Variants in SLBP observed in about 807,000 individuals in gnomAD.
The protein encoded by SLBP is histone RNA hairpin-binding protein.
Under a neutral mutation model 39.2 loss-of-function variants are expected in SLBP, and 29 were observed. The ratio of observed to expected loss-of-function variants is 0.74; its 90% CI spans 0.55 to 1.01. The LOEUF (loss-of-function observed/expected upper bound fraction) is 1.01. Ranked by LOEUF, SLBP falls within the 50% of genes least tolerant of loss-of-function variation. The pLI is 0.00. For synonymous variants in SLBP, 129 were observed against 118.7 expected, an observed-to-expected ratio of 1.09 and a Z score of -0.57; for missense variants, 390 against 350.2, an observed-to-expected ratio of 1.11 and a Z score of -0.91.
At chr4:1,704,608 G>T (rs2108662385) in intron 2 of SLBP, among the ~76,000 whole-genome samples, 1 of 152,246 alleles carries the variant, frequency 6.6e-6, no homozygotes, top group East Asian at 1.9e-4. Flanking sequence ...ACGGTGCAGA[G>T]CAACTACTCA....
At chr4:1,698,321 A>G (rs1023620940) in intron 5 of SLBP, among the ~76,000 whole-genome samples, 1 of 151,514 alleles carries the variant, frequency 6.6e-6, no homozygotes, top group African/African-American at 2.4e-5. Flanking sequence ...GCAACAGAGC[A>G]AGATTCCGTC....
chr4:1,705,336 C>T (rs1716478046), intron 2 of SLBP, among the ~76,000 whole-genome samples: 1 of 152,200 alleles, frequency 6.6e-6, no homozygotes, highest in African/African-American at 2.4e-5. Flanking sequence ...TGAGAAATGA[C>T]TGATGCTGAA....
chr4:1,709,365 C>T (rs149752544), intron 2 of SLBP, among the ~76,000 whole-genome samples: 2,915 of 152,308 alleles, frequency 0.019, 46 homozygotes, highest in Non-Finnish European at 0.033. Context: ...CTCCTAATTG[C>T]CATCATGTTC....
chr4:1,699,978 A>G (rs748026543), intron 4 of SLBP, 33 bp downstream of exon 4: 35 of 1,476,496 alleles, frequency 2.4e-5, no homozygotes, highest in Non-Finnish European at 2.5e-5. Context: ...CAGGTCTATC[A>G]AATTAGAAAA....
intron 4 of SLBP, 123 bp downstream of exon 4, chr4:1,699,888 T>A: frequency 1.2e-6 from 1 of 820,568 alleles, no homozygotes; most frequent in Non-Finnish European, 1.9e-6. Flanking sequence ...GTATTTCAAA[T>A]TAGTGAAAAA....
rs1716811161 is a variant in SLBP, at chr4:1,712,234, C to G, written c.-46G>C. 1 of 1,181,466 alleles carries G rather than the reference C, an allele frequency of 8.5e-7. No homozygotes were observed. Among genetic ancestry groups the G allele is most frequent in the Non-Finnish European group, 1.1e-6 (1 of 926,158 alleles). The allele number at this position is 1,181,466 out of a possible 1,614,324, so 73.2% of individuals were successfully genotyped here. ...CAGCGCAGGGCCGAGGCTGAGGCGGCGGCGGCGCGGGCAGAGAGCGCAGAG... is the reference window on the plus strand; with the variant it reads ...CAGCGCAGGGCCGAGGCTGAGGCGGGGGCGGCGCGGGCAGAGAGCGCAGAG... On this transcript the variant is annotated 5_prime_UTR_variant, in exon 1 of 8. Coordinates refer to ENST00000489418, the MANE Select transcript of SLBP (RefSeq NM_006527.4).
chr4:1,703,501 A>T, intron 3 of SLBP, 95 bp downstream of exon 3: 3 of 826,348 alleles, frequency 3.6e-6, no homozygotes, highest in Non-Finnish European at 6.4e-6. Flanking sequence ...TGGAGCCCAG[A>T]CCTTTGAAAA....
At chr4:1,705,449 T>G (rs1187796133) in intron 2 of SLBP, among the ~76,000 whole-genome samples, 1 of 152,244 alleles carries the variant, frequency 6.6e-6, no homozygotes, top group East Asian at 1.9e-4. Context: ...GATTTGATCA[T>G]GGATGTAGCA....
intron 3 of SLBP, among the ~76,000 whole-genome samples, chr4:1,700,708 T>G (rs1353506969): frequency 6.6e-6 from 1 of 152,058 alleles, no homozygotes; most frequent in Non-Finnish European, 1.5e-5. Flanking sequence ...TCCAGGCAAG[T>G]GCCGCCACAA....
chr4:1,712,278 G>T lies in SLBP; in HGVS notation c.-90C>A. 2.4e-6 allele frequency: 2 copies of T among 829,284 alleles called. No homozygotes were observed. Among genetic ancestry groups the T allele is most frequent in the South Asian group, 2.5e-5 (1 of 39,334 alleles). 51.4% of individuals were successfully genotyped at this position (829,284 alleles called of 1,614,324 possible). On this transcript the variant is annotated 5_prime_UTR_variant, in exon 1 of 8. Transcript: ENST00000489418. ...CGCAGAGTAGAGCAGGGCAGGGCCTGAGGCAGAAACCCGCGTCCCCGCGCC... is the reference window on the plus strand; with the variant it reads ...CGCAGAGTAGAGCAGGGCAGGGCCTTAGGCAGAAACCCGCGTCCCCGCGCC...
At chr4:1,707,369 G>T (rs1716563910) in intron 2 of SLBP, among the ~76,000 whole-genome samples, 4 of 149,782 alleles carry the variant, frequency 2.7e-5, no homozygotes, top group South Asian at 4.2e-4. Context: ...AGCTGGGTGT[G>T]GTGGTGGGTG....
chr4:1,709,519 T>C (rs922669816), intron 2 of SLBP, among the ~76,000 whole-genome samples: 3 of 152,220 alleles, frequency 2.0e-5, no homozygotes, highest in African/African-American at 7.2e-5. Context: ...AAGTTAGATA[T>C]GCTGTTTGAG....
chr4:1,694,215 TG>T (rs1335921944), intron 7 of SLBP, among the ~76,000 whole-genome samples: 1 of 151,594 alleles, frequency 6.6e-6, no homozygotes, highest in Non-Finnish European at 1.5e-5. Flanking sequence ...CCTGAGTAGC[TG>T]GGATTACATG....
chr4:1,710,084 A>T (rs1429118949), intron 2 of SLBP, among the ~76,000 whole-genome samples: 1 of 151,974 alleles, frequency 6.6e-6, no homozygotes, highest in African/African-American at 2.4e-5. Flanking sequence ...TCTCCATGTT[A>T]GTCAGGCTGG....
intron 6 of SLBP, among the ~76,000 whole-genome samples, chr4:1,695,796 A>G (rs1716084641): frequency 6.6e-6 from 1 of 151,644 alleles, no homozygotes; most frequent in African/African-American, 2.4e-5. Context: ...GCCAACAGAG[A>G]AAGAAAGCCT....
At position 1,708,036 on chromosome 4, in the gene SLBP, G is replaced by A. The variant is rs189945316; in HGVS notation, c.176+3838C>T. Among the ~76,000 whole-genome samples, 12 of 146,446 alleles carry A rather than the reference G, an allele frequency of 8.2e-5. No individual in the cohort carries two copies. In the South Asian group the frequency reaches 1.1e-3, roughly 13 times the overall value. On this transcript the variant is annotated intron_variant, in intron 2 of 7. Transcript: ENST00000489418. ...AGAGGTTGCAGTGAGCTGAGATCGC[G>A]CCACTGCACTCCAGCCTGGGCGACA...
At chr4:1,709,601 G>C (rs1560261597) in intron 2 of SLBP, among the ~76,000 whole-genome samples, 1 of 150,942 alleles carries the variant, frequency 6.6e-6, no homozygotes, top group African/African-American at 2.4e-5. Flanking sequence ...GTTTCACCCT[G>C]AACATCTACT....
intron 5 of SLBP, among the ~76,000 whole-genome samples, chr4:1,698,102 C>A (rs1716185715): frequency 6.6e-6 from 1 of 152,064 alleles, no homozygotes; most frequent in Non-Finnish European, 1.5e-5. Context: ...TGGCTCACCC[C>A]TGTAATCCCA....
chr4:1,699,870 C>A, intron 4 of SLBP, 141 bp downstream of exon 4: 3 of 785,894 alleles, frequency 3.8e-6, no homozygotes, highest in Non-Finnish European at 6.2e-6. Flanking sequence ...TAGTACACAA[C>A]AGATACAGTA....
Sources: allele counts gnomAD v4.1 joint callset (sites outside exome capture counted in the v4.1 genomes callset), GRCh38; gene constraint gnomAD v4.1.1; transcripts MANE v1.5; gene names NCBI Gene and HGNC (gene_info 2026-07-23, HGNC 2026-07-21).